Variants in NFIB observed in about 807,000 individuals in gnomAD.
NFIB encodes nuclear factor I B, also known as nuclear factor 1 B-type.
In NFIB, 11 loss-of-function variants were observed where a neutral mutation model predicts 61.5. That is an observed-to-expected ratio of 0.18 (90% CI 0.11 to 0.30). The LOEUF is 0.30. NFIB is among the 10% of genes least tolerant of loss of function. The probability of loss-of-function intolerance (pLI) is 1.00; values close to 1 mark genes in which losing one functional copy is unlikely to be tolerated. For synonymous variants in NFIB, 260 were observed against 216.5 expected, an observed-to-expected ratio of 1.20 and a Z score of -1.76; for missense variants, 471 against 608.9, an observed-to-expected ratio of 0.77 and a Z score of 2.38.
At chr9:14,469,151 C>T in the NFIB span, among the ~76,000 whole-genome samples, 7 of 152,290 alleles carry the variant, frequency 4.6e-5, no homozygotes, top group African/African-American at 1.7e-4. Context: ...TTTTCCAGAG[C>T]AGCCAGGTAT....
the NFIB span, among the ~76,000 whole-genome samples, chr9:14,503,147 T>C: frequency 3.3e-5 from 5 of 150,794 alleles, no homozygotes; most frequent in East Asian, 9.7e-4. Context: ...TGTATATATA[T>C]AAAATAATAT....
chr9:14,280,195 T>G (rs929048892), intron 2 of NFIB, among the ~76,000 whole-genome samples: 1 of 152,158 alleles, frequency 6.6e-6, no homozygotes, highest in African/African-American at 2.4e-5. Flanking sequence ...AAAATAATAG[T>G]TTAACAAAAT....
the NFIB span, among the ~76,000 whole-genome samples, chr9:14,449,748 G>A: frequency 6.6e-6 from 1 of 151,806 alleles, no homozygotes; most frequent in African/African-American, 2.4e-5. Flanking sequence ...TGGCCAACAA[G>A]GTGAAACCCC....
At position 14,086,206 on chromosome 9, in the gene NFIB, A is replaced by G; in HGVS notation, c.*2103T>C. The G allele has an allele frequency of 4.5e-6, 1 of 223,484 alleles. No individual in the cohort carries two copies. The highest frequency in any genetic ancestry group is 9.0e-6 in the Non-Finnish European group (1 of 111,578). 13.8% of individuals were successfully genotyped at this position (223,484 alleles called of 1,614,324 possible). On this transcript the variant is annotated 3_prime_UTR_variant, in exon 11 of 11. Coordinates refer to ENST00000380953, the MANE Select transcript of NFIB (RefSeq NM_001190737.2). The stretch of plus-strand genomic sequence containing the variant: ...CCCATCTCAGGGTGCACTGCTTCAC[A>G]GCTACACTGCAAAGTGTTAAAAATC...
intron 2 of NFIB, among the ~76,000 whole-genome samples, chr9:14,218,351 T>A (rs1431047180): frequency 6.6e-6 from 1 of 152,184 alleles, no homozygotes; most frequent in Admixed American, 6.5e-5. Context: ...CTGTTTTCAG[T>A]GCCTTCCTGA....
At chr9:14,232,522 T>A (rs1587805272) in intron 2 of NFIB, among the ~76,000 whole-genome samples, 2 of 152,196 alleles carry the variant, frequency 1.3e-5, no homozygotes, top group Non-Finnish European at 2.9e-5. Flanking sequence ...ACAAAAGCCA[T>A]CAGATTTACT....
chr9:14,430,233 AT>A, the NFIB span, among the ~76,000 whole-genome samples: 2 of 151,984 alleles, frequency 1.3e-5, no homozygotes, highest in South Asian at 2.1e-4. Context: ...CATGGGTAAA[AT>A]TTTTTTTGCT....
intron 2 of NFIB, among the ~76,000 whole-genome samples, chr9:14,215,882 TA>T (rs1438120346): frequency 6.6e-6 from 1 of 152,206 alleles, no homozygotes; most frequent in Non-Finnish European, 1.5e-5. Context: ...CATCATCTTG[TA>T]AAAGGCAAAT....
chr9:14,125,777 CAG>C lies in NFIB; in HGVS notation c.926-13_926-12del, dbSNP rs199928480. On this transcript the variant is annotated splice_polypyrimidine_tract_variant and intron_variant, in intron 6 of 10. Transcript: ENST00000380953. The stretch of plus-strand genomic sequence containing the variant: ...TCGGAGAAGACATATCTGCGAGAAA[CAG>C]AGAAAAACCCAAAGCTCCATGACTT... 8,793 of 1,612,612 alleles carry C rather than the reference CAG, an allele frequency of 5.5e-3. 31 individuals carry two copies. The highest frequency in any genetic ancestry group is 6.4e-3 in the Non-Finnish European group (7,532 of 1,179,498).
chr9:14,522,048 G>A, the NFIB span, among the ~76,000 whole-genome samples: 1 of 152,218 alleles, frequency 6.6e-6, no homozygotes, highest in African/African-American at 2.4e-5. Flanking sequence ...GAAGTAAAGT[G>A]AAGGGAAACA....
chr9:14,167,094 G>C (rs887660616), intron 3 of NFIB, among the ~76,000 whole-genome samples: 9 of 144,682 alleles, frequency 6.2e-5, no homozygotes, highest in African/African-American at 2.2e-4. Flanking sequence ...GGGGGGGGGG[G>C]GTTCCCCTTT....
At chr9:14,275,181 G>A (rs761454028) in intron 2 of NFIB, among the ~76,000 whole-genome samples, 20 of 152,144 alleles carry the variant, frequency 1.3e-4, no homozygotes, top group Non-Finnish European at 2.9e-4. Flanking sequence ...GTTGTTTTAC[G>A]TGGACAAGGC....
intron 2 of NFIB, among the ~76,000 whole-genome samples, chr9:14,217,916 T>C (rs967367428): frequency 1.3e-5 from 2 of 152,086 alleles, no homozygotes; most frequent in Admixed American, 6.5e-5. Context: ...TAAGTCAGAA[T>C]GAAGGTAAGA....
At chr9:14,509,776 C>A in the NFIB span, among the ~76,000 whole-genome samples, 1 of 152,206 alleles carries the variant, frequency 6.6e-6, no homozygotes, top group Non-Finnish European at 1.5e-5. Flanking sequence ...AAGGACCCAG[C>A]CCATGGTGAA....
At chr9:14,302,422 A>G (rs138835147) in intron 2 of NFIB, among the ~76,000 whole-genome samples, 2,013 of 152,322 alleles carry the variant, frequency 0.013, 40 homozygotes, top group African/African-American at 0.046. Context: ...TTCAATTATT[A>G]TAACATTTAA....
chr9:14,306,432 G>A (rs1220153115), intron 2 of NFIB, among the ~76,000 whole-genome samples: 2 of 151,982 alleles, frequency 1.3e-5, no homozygotes, highest in Non-Finnish European at 2.9e-5. Flanking sequence ...AGTAAATCTA[G>A]GTCTACGTAA....
At chr9:14,466,295 T>A in the NFIB span, among the ~76,000 whole-genome samples, 1 of 152,168 alleles carries the variant, frequency 6.6e-6, no homozygotes, top group Non-Finnish European at 1.5e-5. Context: ...CAAGTGGTAG[T>A]ATGCAGGCAA....
At chr9:14,378,916 G>A (rs1395377142) in intron 1 of NFIB, among the ~76,000 whole-genome samples, 1 of 152,112 alleles carries the variant, frequency 6.6e-6, no homozygotes, top group Non-Finnish European at 1.5e-5. Context: ...TGGTTTTGAT[G>A]TGAAAAATTT....
upstream of NFIB, among the ~76,000 whole-genome samples, chr9:14,402,282 T>C (rs1351398570): frequency 1.3e-5 from 2 of 152,212 alleles, no homozygotes. Context: ...TGCATATAAA[T>C]CATTAGCTTT....
Sources: gnomAD v4.1 joint callset for allele counts (sites outside exome capture counted in the v4.1 genomes callset) on GRCh38, gnomAD v4.1.1 for gene constraint, MANE v1.5 for transcripts, NCBI Gene and HGNC (gene_info 2026-07-23, HGNC 2026-07-21) for gene names.